The following SPECC1 variants were observed in gnomAD, a reference collection of about 807,000 sequenced individuals.
SPECC1 encodes the protein sperm antigen with calponin homology and coiled-coil domains 1, also known as cytospin-B.
SPECC1 carries 62 observed loss-of-function variants against 104.1 expected under a neutral mutation model. The observed-to-expected ratio is 0.60, with a 90% CI of 0.49 to 0.74. The LOEUF is 0.74. Among genes scored for constraint, SPECC1 ranks in the 30% least tolerant of loss-of-function variants. SPECC1 has a pLI of 0.00. For missense variants in SPECC1, 1,306 were observed against 1,310.5 expected, an observed-to-expected ratio of 1.00 and a Z score of 0.05; for synonymous variants, 513 against 501.6, an observed-to-expected ratio of 1.02 and a Z score of -0.30.
chr17:20,107,144 CAAAAAAAAAAAAAA>C (rs531912350), intron 2 of SPECC1, among the ~76,000 whole-genome samples: 7 of 68,216 alleles, frequency 1.0e-4, no homozygotes, highest in South Asian at 6.3e-4. Context: ...ACTCGTGTCT[CAAAAAAAAAAAAAA>C]AAAAAAAAAA....
intron 3 of SPECC1, among the ~76,000 whole-genome samples, chr17:20,180,423 A>T (rs560465614): frequency 6.6e-6 from 1 of 152,268 alleles, no homozygotes; most frequent in Non-Finnish European, 1.5e-5. Flanking sequence ...AACCAAAAAT[A>T]TAAAGTATAA....
At chr17:20,156,628 C>T (rs1242959245) in intron 3 of SPECC1, among the ~76,000 whole-genome samples, 6 of 152,118 alleles carry the variant, frequency 3.9e-5, no homozygotes, top group Non-Finnish European at 8.8e-5. Context: ...GCCGGCCCCG[C>T]AGTTTGTGGC....
chr17:20,042,630 C>T (rs957635450), intron 1 of SPECC1, among the ~76,000 whole-genome samples: 3 of 152,222 alleles, frequency 2.0e-5, no homozygotes, highest in Non-Finnish European at 4.4e-5. Context: ...AGGCTCCCTG[C>T]TCAGTTATTG....
chr17:20,260,404 T>G (rs2039984608), intron 12 of SPECC1, 110 bp downstream of exon 12: 1 of 880,330 alleles, frequency 1.1e-6, no homozygotes, highest in Non-Finnish European at 1.7e-6. Flanking sequence ...CATGTAATTG[T>G]CATCTTTCTA....
intron 3 of SPECC1, among the ~76,000 whole-genome samples, chr17:20,150,349 A>AT (rs201936094): frequency 0.057 from 8,108 of 142,362 alleles, 702 homozygotes; most frequent in African/African-American, 0.19. Context: ...GGTTCAAGTG[A>AT]TTTTTTCTGC....
chr17:20,017,529 C>A, intron 1 of SPECC1: 1 of 153,096 alleles, frequency 6.5e-6, no homozygotes, highest in South Asian at 2.0e-4. Flanking sequence ...TTCTCCAAGT[C>A]AGACCAAGAA....
chr17:20,032,831 C>A (rs961172593), intron 1 of SPECC1, among the ~76,000 whole-genome samples: 1 of 151,928 alleles, frequency 6.6e-6, no homozygotes, highest in East Asian at 1.9e-4. Context: ...CCTATCATAA[C>A]CACAGAAAGT....
At chr17:20,304,135 A>G (rs1262875987) in intron 13 of SPECC1, among the ~76,000 whole-genome samples, 2 of 148,496 alleles carry the variant, frequency 1.3e-5, no homozygotes, top group Non-Finnish European at 3.0e-5. Context: ...AAAAAAAAAA[A>G]AAAAAAAAGC....
intron 1 of SPECC1, among the ~76,000 whole-genome samples, chr17:20,028,189 T>C (rs1414505201): frequency 6.6e-6 from 1 of 152,198 alleles, no homozygotes; most frequent in African/African-American, 2.4e-5. Flanking sequence ...TTGTTGACCT[T>C]TTTGAAAATC....
chr17:20,017,841 C>G (rs2044208200), intron 1 of SPECC1: 1 of 152,166 alleles, frequency 6.6e-6, no homozygotes, highest in Non-Finnish European at 1.5e-5. Context: ...CTAATAATTT[C>G]TTCTATGTGC....
At chr17:20,282,313 A>G (rs1250338974) in intron 12 of SPECC1, among the ~76,000 whole-genome samples, 1 of 152,190 alleles carries the variant, frequency 6.6e-6, no homozygotes, top group African/African-American at 2.4e-5. Context: ...CGCCATAGGA[A>G]GGCTCTTGTC....
chr17:20,108,928 A>G (rs1282733370), intron 2 of SPECC1, among the ~76,000 whole-genome samples: 1 of 152,204 alleles, frequency 6.6e-6, no homozygotes, highest in African/African-American at 2.4e-5. Context: ...CAGGGAAGAA[A>G]GCAAAGCAAG....
chr17:20,048,396 G>A (rs1483704910), intron 1 of SPECC1, among the ~76,000 whole-genome samples: 1 of 151,998 alleles, frequency 6.6e-6, no homozygotes, highest in Non-Finnish European at 1.5e-5. Context: ...GCCTCCCAAA[G>A]TGCTGGGATT....
intron 13 of SPECC1, 44 bp downstream of exon 13, chr17:20,297,121 A>C: frequency 6.4e-7 from 1 of 1,555,130 alleles, no homozygotes; most frequent in Non-Finnish European, 8.8e-7. Flanking sequence ...TAAGAAATGC[A>C]GGAGTCCTAA....
At chr17:20,196,679 T>C (rs973232092) in intron 3 of SPECC1, among the ~76,000 whole-genome samples, 1 of 150,454 alleles carries the variant, frequency 6.6e-6, no homozygotes, top group South Asian at 2.1e-4. Flanking sequence ...TCTTTTCTTA[T>C]ATAAAATCTT....
Position 20,240,597 on chromosome 17 carries a change from T to G in SPECC1, c.2352-5329T>G, listed in dbSNP as rs192656672. On this transcript the variant is annotated intron_variant, in intron 7 of 14. Coordinates refer to ENST00000395527, the MANE Select transcript of SPECC1 (RefSeq NM_001243439.2). ...TCTCTTTATTTAATCTGATGTGAGG[T>G]GTGGTTCTTTTTCTCCCACTGGGTA... Among the ~76,000 whole-genome samples, 182 of 152,256 alleles carry G rather than the reference T, an allele frequency of 1.2e-3. 2 individuals carry two copies. The highest frequency in any genetic ancestry group is 1.8e-3 in the Non-Finnish European group (120 of 68,008).
At chr17:20,081,805 T>C (rs1488903561) in intron 1 of SPECC1, among the ~76,000 whole-genome samples, 1 of 151,692 alleles carries the variant, frequency 6.6e-6, no homozygotes, top group Non-Finnish European at 1.5e-5. Context: ...GGGCCCTGAG[T>C]TTCCCACATT....
At chr17:20,124,464 G>A (rs1314805708) in intron 3 of SPECC1, among the ~76,000 whole-genome samples, 1 of 152,124 alleles carries the variant, frequency 6.6e-6, no homozygotes, top group East Asian at 1.9e-4. Context: ...CTCAAGGGAG[G>A]GGCCTGGGGC....
At chr17:20,084,751 A>G (rs2047112344) in intron 1 of SPECC1, among the ~76,000 whole-genome samples, 1 of 152,044 alleles carries the variant, frequency 6.6e-6, no homozygotes, top group Non-Finnish European at 1.5e-5. Flanking sequence ...GAGGTTTTCT[A>G]GTTTCAGGTT....
Sources: gnomAD v4.1 joint callset for allele counts (sites outside exome capture counted in the v4.1 genomes callset) on GRCh38, gnomAD v4.1.1 for gene constraint, MANE v1.5 for transcripts, NCBI Gene and HGNC (gene_info 2026-07-23, HGNC 2026-07-21) for gene names.